The following TRPM3 variants were observed in gnomAD, a reference collection of about 807,000 sequenced individuals.
TRPM3 encodes the protein long transient receptor potential channel 3.
In TRPM3, 77 loss-of-function variants were observed where a neutral mutation model predicts 181.2. The observed-to-expected ratio is 0.42, with a 90% CI of 0.35 to 0.51. The LOEUF is 0.51. Among genes scored for constraint, TRPM3 ranks in the 20% least tolerant of loss-of-function variants. The probability of loss-of-function intolerance (pLI) is 0.01; values close to 1 mark genes in which losing one functional copy is unlikely to be tolerated. For synonymous variants in TRPM3, 745 were observed against 796.4 expected, an observed-to-expected ratio of 0.94 and a Z score of 1.09; for missense variants, 1,759 against 2,196.7, an observed-to-expected ratio of 0.80 and a Z score of 3.98.
chr9:70,590,495 T>C (rs921290928), intron 22 of TRPM3, among the ~76,000 whole-genome samples: 2 of 152,224 alleles, frequency 1.3e-5, no homozygotes, highest in African/African-American at 4.8e-5. Context: ...CCTATGAGTC[T>C]CAATAGCACA....
At chr9:71,160,665 C>T (rs2076233506) in intron 1 of TRPM3, among the ~76,000 whole-genome samples, 1 of 152,148 alleles carries the variant, frequency 6.6e-6, no homozygotes, top group African/African-American at 2.4e-5. Flanking sequence ...TTCCTAGATT[C>T]CACTGGGTAG....
Position 71,379,661 on chromosome 9 carries a change from T to C in TRPM3, c.183+66992A>G, listed in dbSNP as rs144901776. Among the ~76,000 whole-genome samples, 50 of 151,872 alleles carry C rather than the reference T, an allele frequency of 3.3e-4. No individual in the cohort carries two copies. The East Asian group carries it at 8.0e-3, about 24-fold the overall frequency. On this transcript the variant is annotated intron_variant, in intron 1 of 24. Transcript: ENST00000357533. ...ACTCTCAAACACTCACAGCTGGGAA[T>C]TGCTGGTATACAGAATTTTTTTTCT...
chr9:70,870,557 G>C (rs2095766425), intron 1 of TRPM3, among the ~76,000 whole-genome samples: 1 of 151,996 alleles, frequency 6.6e-6, no homozygotes, highest in African/African-American at 2.4e-5. Flanking sequence ...AATCATCAGA[G>C]ATGTGAGCAC....
intron 1 of TRPM3, among the ~76,000 whole-genome samples, chr9:71,140,033 A>T (rs1375413025): frequency 1.3e-5 from 2 of 152,148 alleles, no homozygotes; most frequent in Non-Finnish European, 2.9e-5. Context: ...TGAGGAGGTG[A>T]TACCTAGAGC....
chr9:71,220,485 G>T (rs1336859152), intron 1 of TRPM3, among the ~76,000 whole-genome samples: 1 of 151,572 alleles, frequency 6.6e-6, no homozygotes, highest in Non-Finnish European at 1.5e-5. Context: ...CTAATTTAAG[G>T]GCCAACTGAA....
Position 71,217,196 on chromosome 9 carries a change from C to T in TRPM3, c.183+229457G>A, listed in dbSNP as rs933408192. ...CGATCTCCTGACCTCGTGATCCGCCCGCCTCGGCCTCCCAAAGTGCTGGGA... is the reference window on the plus strand; with the variant it reads ...CGATCTCCTGACCTCGTGATCCGCCTGCCTCGGCCTCCCAAAGTGCTGGGA... On this transcript the variant is annotated intron_variant, in intron 1 of 24. Coordinates refer to the TRPM3 transcript ENST00000357533. Among the ~76,000 whole-genome samples, 116 of 151,674 alleles carry T rather than the reference C, an allele frequency of 7.6e-4. 1 individual carries two copies. The highest frequency in any genetic ancestry group is 1.2e-4 in the Non-Finnish European group (8 of 67,904).
intron 1 of TRPM3, among the ~76,000 whole-genome samples, chr9:71,429,880 T>C (rs1345102655): frequency 6.6e-6 from 1 of 152,200 alleles, no homozygotes; most frequent in Non-Finnish European, 1.5e-5. Flanking sequence ...GGCATGCCCC[T>C]GCCTCGGGAC....
intron 1 of TRPM3, among the ~76,000 whole-genome samples, chr9:71,112,586 C>T (rs763788597): frequency 6.6e-6 from 1 of 152,132 alleles, no homozygotes; most frequent in Non-Finnish European, 1.5e-5. Context: ...AACATAGTTA[C>T]TCATTTTCTC....
intron 1 of TRPM3, among the ~76,000 whole-genome samples, chr9:71,261,780 A>T (rs1280830545): frequency 6.6e-6 from 1 of 151,864 alleles, no homozygotes; most frequent in Non-Finnish European, 1.5e-5. Context: ...GGTCTGCTGG[A>T]GTTTGTTGTG....
chr9:71,175,752 C>T (rs886885788), intron 1 of TRPM3, among the ~76,000 whole-genome samples: 4 of 152,082 alleles, frequency 2.6e-5, no homozygotes, highest in South Asian at 2.1e-4. Context: ...ATAGATTAGG[C>T]ATTAAAAAAT....
intron 8 of TRPM3, among the ~76,000 whole-genome samples, chr9:70,692,785 A>G (rs1479365190): frequency 6.6e-6 from 1 of 152,206 alleles, no homozygotes; most frequent in Non-Finnish European, 1.5e-5. Flanking sequence ...AGCACTTTGA[A>G]TGCTGCATAT....
intron 22 of TRPM3, among the ~76,000 whole-genome samples, chr9:70,574,858 A>G (rs2053481029): frequency 6.6e-6 from 1 of 152,124 alleles, no homozygotes. Flanking sequence ...TTTTGCTGTG[A>G]AGAGAGAGAG....
chr9:71,099,725 A>G (rs1002180969), intron 1 of TRPM3, among the ~76,000 whole-genome samples: 9 of 152,202 alleles, frequency 5.9e-5, no homozygotes, highest in African/African-American at 1.9e-4. Context: ...CTTGTGTTAT[A>G]ATGCTAAGCT....
intron 22 of TRPM3, among the ~76,000 whole-genome samples, chr9:70,572,114 TTGTGTG>T (rs58492210): frequency 3.3e-5 from 5 of 149,862 alleles, no homozygotes; most frequent in South Asian, 2.1e-4. Context: ...TCCCAGTTAC[TTGTGTG>T]TGTGTGTGTG....
intron 1 of TRPM3, among the ~76,000 whole-genome samples, chr9:70,947,947 T>TTA (rs768777767): frequency 6.6e-6 from 1 of 152,188 alleles, no homozygotes; most frequent in Non-Finnish European, 1.5e-5. Context: ...AAAGTTACTA[T>TTA]TATAAGATGT....
intron 1 of TRPM3, among the ~76,000 whole-genome samples, chr9:71,094,838 A>T (rs758851433): frequency 2.0e-5 from 3 of 152,154 alleles, no homozygotes; most frequent in Non-Finnish European, 4.4e-5. Flanking sequence ...AAAGAAAAAA[A>T]ATCCATCCTC....
chr9:71,237,586 T>A (rs947716366), intron 1 of TRPM3, among the ~76,000 whole-genome samples: 3 of 152,190 alleles, frequency 2.0e-5, no homozygotes, highest in African/African-American at 7.2e-5. Flanking sequence ...AAAGTTTTGA[T>A]ACCATTTTCA....
At chr9:70,972,036 C>T (rs2097252430) in intron 1 of TRPM3, among the ~76,000 whole-genome samples, 1 of 152,120 alleles carries the variant, frequency 6.6e-6, no homozygotes, top group Non-Finnish European at 1.5e-5. Flanking sequence ...CTAGCAGTTC[C>T]TCAAAATGTT....
At chr9:70,901,451 T>C (rs2096385748) in intron 1 of TRPM3, among the ~76,000 whole-genome samples, 1 of 152,194 alleles carries the variant, frequency 6.6e-6, no homozygotes, top group African/African-American at 2.4e-5. Context: ...TAACTTTTTT[T>C]TTTTTAACAA....
Sources: allele counts gnomAD v4.1 joint callset (sites outside exome capture counted in the v4.1 genomes callset), GRCh38; gene constraint gnomAD v4.1.1; transcripts MANE v1.5; gene names NCBI Gene and HGNC (gene_info 2026-07-23, HGNC 2026-07-21).